Variants in APBA1 observed in about 807,000 individuals in gnomAD.
APBA1 encodes the protein amyloid-beta A4 precursor protein-binding family A member 1.
In APBA1, 55 loss-of-function variants were observed where a neutral mutation model predicts 86.6. That is an observed-to-expected ratio of 0.64 (90% CI 0.51 to 0.80). APBA1 has a LOEUF of 0.80. Ranked by LOEUF, APBA1 falls within the 30% of genes least tolerant of loss-of-function variation. APBA1 has a pLI of 0.00. For missense variants in APBA1, 1,090 were observed against 1,183.0 expected (o/e 0.92, Z 1.15); for synonymous variants, 511 against 493.9 (o/e 1.03, Z -0.46).
chr9:69,467,716 C>G, intron 5 of APBA1, 107 bp downstream of exon 5: 19 of 1,465,186 alleles, frequency 1.3e-5, no homozygotes, highest in South Asian at 7.9e-5. Flanking sequence ...GATGTCATCT[C>G]AAACCACTCT....
At chr9:69,579,730 T>C (rs1328855513) in intron 1 of APBA1, among the ~76,000 whole-genome samples, 2 of 152,178 alleles carry the variant, frequency 1.3e-5, no homozygotes, top group Non-Finnish European at 2.9e-5. Flanking sequence ...TGTTGCCGGA[T>C]TCCTGTAAAT....
intron 1 of APBA1, among the ~76,000 whole-genome samples, chr9:69,579,706 G>T (rs1263880790): frequency 6.6e-6 from 1 of 152,158 alleles, no homozygotes; most frequent in African/African-American, 2.4e-5. Context: ...AAAGTGGTAG[G>T]TCACAATAAT....
At chr9:69,447,324 AC>A (rs1426059418) in intron 10 of APBA1, among the ~76,000 whole-genome samples, 11 of 151,988 alleles carry the variant, frequency 7.2e-5, no homozygotes, top group Non-Finnish European at 1.3e-4. Context: ...CCAACTCCCC[AC>A]AAACCATCCC....
intron 6 of APBA1, 93 bp from the exon 7 acceptor site, chr9:69,457,232 G>C: frequency 1.1e-6 from 1 of 919,318 alleles, no homozygotes; most frequent in Non-Finnish European, 1.8e-6. Flanking sequence ...GAGGCACCAC[G>C]ACACAGTCAC....
At chr9:69,619,469 T>C (rs1822770132) in intron 1 of APBA1, among the ~76,000 whole-genome samples, 1 of 152,200 alleles carries the variant, frequency 6.6e-6, no homozygotes, top group South Asian at 2.1e-4. Flanking sequence ...CCCTCAGCCA[T>C]AAAGAACAAA....
intron 2 of APBA1, among the ~76,000 whole-genome samples, chr9:69,499,441 G>C (rs1430212846): frequency 1.3e-5 from 2 of 152,034 alleles, no homozygotes; most frequent in African/African-American, 4.8e-5. Context: ...TGTCTGTTCA[G>C]AACTCTGCAA....
chr9:69,592,584 G>A (rs1446223087), intron 1 of APBA1, among the ~76,000 whole-genome samples: 1 of 152,164 alleles, frequency 6.6e-6, no homozygotes, highest in Non-Finnish European at 1.5e-5. Flanking sequence ...AACAGAGCAA[G>A]ACCCTATCTC....
chr9:69,553,893 G>A (rs1836824142), intron 1 of APBA1, among the ~76,000 whole-genome samples: 1 of 152,192 alleles, frequency 6.6e-6, no homozygotes, highest in Non-Finnish European at 1.5e-5. Context: ...AAACACACAA[G>A]TGTGGACTGA....
intron 1 of APBA1, among the ~76,000 whole-genome samples, chr9:69,556,849 G>T (rs1244293666): frequency 6.6e-6 from 1 of 152,102 alleles, no homozygotes; most frequent in Non-Finnish European, 1.5e-5. Flanking sequence ...GTTCTCAAGG[G>T]CAGGGACTCA....
chr9:69,636,926 A>AGAAGGAAG (rs780350949), intron 1 of APBA1, among the ~76,000 whole-genome samples: 657 of 31,484 alleles, frequency 0.021, 8 homozygotes, highest in Non-Finnish European at 0.03. Flanking sequence ...AAGGAAGGAA[A>AGAAGGAAG]GAAAGAAAGA....
chr9:69,561,997 G>GT (rs1273644039), intron 1 of APBA1, among the ~76,000 whole-genome samples: 7 of 151,778 alleles, frequency 4.6e-5, no homozygotes, highest in Non-Finnish European at 5.9e-5. Context: ...ATTGCTAGCA[G>GT]TTTTTTTTGA....
intron 1 of APBA1, among the ~76,000 whole-genome samples, chr9:69,638,102 G>A (rs1386603731): frequency 6.6e-6 from 1 of 152,152 alleles, no homozygotes; most frequent in Non-Finnish European, 1.5e-5. Context: ...CACATCTGAT[G>A]AACAGTAATT....
chr9:69,550,667 G>A (rs1836769489), intron 1 of APBA1, among the ~76,000 whole-genome samples: 1 of 152,168 alleles, frequency 6.6e-6, no homozygotes, highest in South Asian at 2.1e-4. Context: ...TTACCCTGAG[G>A]AGTTTACAAT....
intron 7 of APBA1, among the ~76,000 whole-genome samples, chr9:69,456,837 A>G (rs938360878): frequency 3.9e-5 from 6 of 152,204 alleles, no homozygotes; most frequent in Admixed American, 3.9e-4. Context: ...AAAATGCTAA[A>G]CGTCATCCAT....
chr9:69,449,478 G>A, intron 10 of APBA1, 106 bp downstream of exon 10: 1 of 1,052,702 alleles, frequency 9.5e-7, no homozygotes, highest in Admixed American at 1.9e-5. Context: ...CTTCCTTGGT[G>A]CCTGACACTT....
At chr9:69,458,889 C>T (rs1835145353) in intron 5 of APBA1, among the ~76,000 whole-genome samples, 1 of 152,014 alleles carries the variant, frequency 6.6e-6, no homozygotes, top group South Asian at 2.1e-4. Flanking sequence ...TCACCGCAAC[C>T]TCTGCCTCCC....
intron 2 of APBA1, among the ~76,000 whole-genome samples, chr9:69,500,721 G>A (rs1361354083): frequency 6.6e-6 from 1 of 152,038 alleles, no homozygotes; most frequent in African/African-American, 2.4e-5. Context: ...TAACACCCGT[G>A]CCAAGACCCA....
Position 69,561,143 on chromosome 9 carries a change from A to G in APBA1, c.-69-43864T>C, listed in dbSNP as rs530155033. Among the ~76,000 whole-genome samples the G allele has an allele frequency of 1.1e-4, 16 of 152,348 alleles. No individual in the cohort carries two copies. The South Asian group carries it at 3.1e-3, about 30-fold the overall frequency. On this transcript the variant is annotated intron_variant, in intron 1 of 12. Coordinates refer to ENST00000265381, the MANE Select transcript of APBA1 (RefSeq NM_001163.4). ...TTGGTGAAAATCCTTGAAAGTCAGA[A>G]AGAAAATATTAAAGCAAGAGAAGTG... is the stretch of plus-strand genomic sequence containing the variant.
At chr9:69,582,902 G>T (rs1821942086) in intron 1 of APBA1, among the ~76,000 whole-genome samples, 1 of 152,152 alleles carries the variant, frequency 6.6e-6, no homozygotes, top group Non-Finnish European at 1.5e-5. Flanking sequence ...ATGAATGAAT[G>T]AAACAAATGA....
Sources: gnomAD v4.1 joint callset for allele counts (sites outside exome capture counted in the v4.1 genomes callset) on GRCh38, gnomAD v4.1.1 for gene constraint, MANE v1.5 for transcripts, NCBI Gene and HGNC (gene_info 2026-07-23, HGNC 2026-07-21) for gene names.